Variants in GRIA2 observed in about 807,000 individuals in gnomAD.
The protein encoded by GRIA2 is glutamate receptor 2.
Under a neutral mutation model 97.3 loss-of-function variants are expected in GRIA2, and 14 were observed. The ratio of observed to expected loss-of-function variants is 0.14; its 90% CI spans 0.10 to 0.23. The LOEUF (loss-of-function observed/expected upper bound fraction) is 0.23, where lower values mean the gene tolerates loss of function less well. Among genes scored for constraint, GRIA2 ranks in the 10% least tolerant of loss-of-function variants. GRIA2 has a pLI of 1.00. For missense variants in GRIA2, 558 were observed against 1,069.8 expected, an observed-to-expected ratio of 0.52 and a Z score of 6.67; for synonymous variants, 412 against 387.8, an observed-to-expected ratio of 1.06 and a Z score of -0.73.
intron 2 of GRIA2, among the ~76,000 whole-genome samples, chr4:157,264,914 A>G (rs1323313857): frequency 6.6e-6 from 1 of 152,062 alleles, no homozygotes; most frequent in African/African-American, 2.4e-5. Context: ...CACATGTACT[A>G]TAATCTTATT....
intron 12 of GRIA2, 80 bp downstream of exon 12, chr4:157,341,542 A>G (rs1735547241): frequency 5.4e-6 from 5 of 928,858 alleles, no homozygotes; most frequent in South Asian, 2.7e-5. Context: ...CCCATAGTCA[A>G]TTCCAAGGTA....
chr4:157,308,967 A>G (rs1733956206), intron 3 of GRIA2, among the ~76,000 whole-genome samples: 1 of 152,192 alleles, frequency 6.6e-6, no homozygotes, highest in Admixed American at 6.5e-5. Context: ...TGAGGTGAGG[A>G]GATCAAATTG....
chr4:157,306,407 A>G (rs915697531), intron 3 of GRIA2, among the ~76,000 whole-genome samples: 2 of 152,218 alleles, frequency 1.3e-5, no homozygotes, highest in African/African-American at 4.8e-5. Flanking sequence ...GAAATATTAA[A>G]TGAAATTGAA....
intron 2 of GRIA2, among the ~76,000 whole-genome samples, chr4:157,262,942 CAGTT>C (rs1342980828): frequency 6.6e-6 from 1 of 152,038 alleles, no homozygotes; most frequent in Non-Finnish European, 1.5e-5. Context: ...ACCGAGTCCC[CAGTT>C]ACAACCAAGT....
intron 12 of GRIA2, 61 bp downstream of exon 12, chr4:157,341,523 T>C: frequency 3.5e-6 from 4 of 1,143,886 alleles, no homozygotes; most frequent in Non-Finnish European, 5.3e-6. Context: ...ATTTAAACTT[T>C]GTTTCCCTCC....
chr4:157,286,733 C>A (rs1385148400), intron 2 of GRIA2, among the ~76,000 whole-genome samples: 1 of 151,454 alleles, frequency 6.6e-6, no homozygotes, highest in African/African-American at 2.4e-5. Flanking sequence ...TTTCAGGAAA[C>A]AAATCAATAC....
intron 6 of GRIA2, among the ~76,000 whole-genome samples, chr4:157,325,188 G>A (rs1406287171): frequency 6.6e-6 from 1 of 151,822 alleles, no homozygotes; most frequent in Admixed American, 6.6e-5. Flanking sequence ...AGCTTCCAAA[G>A]TTTTCAAATT....
At chr4:157,339,577 G>T (rs1277393852) in intron 11 of GRIA2, among the ~76,000 whole-genome samples, 1 of 151,780 alleles carries the variant, frequency 6.6e-6, no homozygotes, top group Admixed American at 6.6e-5. Flanking sequence ...CTGATATAAG[G>T]ACTGGAATAG....
At chr4:157,309,310 C>A (rs913755902) in intron 3 of GRIA2, among the ~76,000 whole-genome samples, 1 of 150,302 alleles carries the variant, frequency 6.7e-6, no homozygotes, top group African/African-American at 2.4e-5. Flanking sequence ...ACTTTTGACA[C>A]GTAGAACAAA....
intron 2 of GRIA2, among the ~76,000 whole-genome samples, chr4:157,253,354 G>A (rs1241740586): frequency 6.6e-6 from 1 of 151,742 alleles, no homozygotes; most frequent in Non-Finnish European, 1.5e-5. Flanking sequence ...TGAGCTCAAG[G>A]GATCTACCCA....
At chr4:157,359,407 A>G (rs57161258) in intron 12 of GRIA2, among the ~76,000 whole-genome samples, 5,972 of 152,252 alleles carry the variant, frequency 0.039, 384 homozygotes, top group African/African-American at 0.14. Flanking sequence ...ATTAGATAGA[A>G]GTTTCCAGCG....
chr4:157,248,624 C>CAT (rs371018811), intron 2 of GRIA2, among the ~76,000 whole-genome samples: 1 of 11,260 alleles, frequency 8.9e-5, no homozygotes, highest in African/African-American at 2.8e-4. Context: ...TGTATATATA[C>CAT]GTATATATAT....
chr4:157,260,012 A>C (rs1414395473), intron 2 of GRIA2, among the ~76,000 whole-genome samples: 1 of 152,152 alleles, frequency 6.6e-6, no homozygotes, highest in African/African-American at 2.4e-5. Context: ...TTGTGGTCAC[A>C]AGTCTATGTC....
chr4:157,323,118 G>T (rs1327735138), intron 6 of GRIA2, among the ~76,000 whole-genome samples: 2 of 151,778 alleles, frequency 1.3e-5, no homozygotes, highest in Admixed American at 6.6e-5. Flanking sequence ...GGCGGATCAC[G>T]TGGTCAGGAG....
At chr4:157,260,041 CT>C (rs1731457812) in intron 2 of GRIA2, among the ~76,000 whole-genome samples, 1 of 152,012 alleles carries the variant, frequency 6.6e-6, no homozygotes, top group Non-Finnish European at 1.5e-5. Context: ...GTTCATTGTC[CT>C]TTTTTCTTGT....
At chr4:157,277,764 A>G (rs528806792) in intron 2 of GRIA2, among the ~76,000 whole-genome samples, 1 of 148,484 alleles carries the variant, frequency 6.7e-6, no homozygotes, top group African/African-American at 2.5e-5. Flanking sequence ...TAAAAATACA[A>G]CCCCCCACGA....
At chr4:157,356,017 ATATT>A (rs1736329412) in intron 12 of GRIA2, among the ~76,000 whole-genome samples, 1 of 106,086 alleles carries the variant, frequency 9.4e-6, no homozygotes, top group Non-Finnish European at 1.7e-5. Context: ...GTATTTATAT[ATATT>A]TATATATTTA....
chr4:157,322,153 A>G (rs1734598562), intron 6 of GRIA2, among the ~76,000 whole-genome samples: 1 of 151,982 alleles, frequency 6.6e-6, no homozygotes, highest in Non-Finnish European at 1.5e-5. Context: ...CAAAAAGCCA[A>G]CTTGCAGACA....
At position 157,364,661 on chromosome 4, in the gene GRIA2, A is replaced by T. The variant is rs1337068164; in HGVS notation, c.*1230A>T. The stretch of plus-strand genomic sequence containing the variant: ...AAAAATGCCTTGAAAGTAATTCTTT[A>T]GATAGTTGCCCATTGATTAAATTCC... On this transcript the variant is annotated 3_prime_UTR_variant, in exon 16 of 16. Transcript: ENST00000264426. 6.6e-6 allele frequency: 1 copy of T among 152,190 alleles called. No individual in the cohort carries two copies. Among genetic ancestry groups the T allele is most frequent in the Non-Finnish European group, 1.5e-5 (1 of 67,802 alleles). 9.4% of individuals were successfully genotyped at this position (152,190 alleles called of 1,614,324 possible).
Sources: gnomAD v4.1 joint callset for allele counts (sites outside exome capture counted in the v4.1 genomes callset) on GRCh38, gnomAD v4.1.1 for gene constraint, MANE v1.5 for transcripts, NCBI Gene and HGNC (gene_info 2026-07-23, HGNC 2026-07-21) for gene names.